Variants in USP48 observed in about 807,000 individuals in gnomAD.
USP48 encodes the protein ubiquitin specific peptidase 48, also known as ubiquitin carboxyl-terminal hydrolase 48.
Under a neutral mutation model 150.7 loss-of-function variants are expected in USP48, and 43 were observed. The observed-to-expected ratio is 0.29, with a 90% CI of 0.22 to 0.37. The LOEUF (loss-of-function observed/expected upper bound fraction) is 0.37, where lower values mean the gene tolerates loss of function less well. Among genes scored for constraint, USP48 ranks in the 10% least tolerant of loss-of-function variants. The pLI is 1.00. For missense variants in USP48, 813 were observed against 1,249.6 expected, an observed-to-expected ratio of 0.65 and a Z score of 5.27; for synonymous variants, 396 against 425.9, an observed-to-expected ratio of 0.93 and a Z score of 0.86.
chr1:21,746,804 T>A (rs1253336617), intron 8 of USP48, among the ~76,000 whole-genome samples: 1 of 152,152 alleles, frequency 6.6e-6, no homozygotes, highest in African/African-American at 2.4e-5. Flanking sequence ...TAAAATACCT[T>A]TTTCATTTTT....
intron 14 of USP48, among the ~76,000 whole-genome samples, chr1:21,715,953 C>T (rs777903361): frequency 6.6e-6 from 1 of 152,202 alleles, no homozygotes; most frequent in African/African-American, 2.4e-5. Context: ...CTAAAACCTA[C>T]CACCGAACTC....
At chr1:21,751,389 T>A in intron 6 of USP48, 118 bp downstream of exon 6, 1 of 747,856 alleles carries the variant, frequency 1.3e-6, no homozygotes, top group Non-Finnish European at 2.3e-6. Flanking sequence ...AGATGCTTCT[T>A]ATGTAGAAAA....
intron 15 of USP48, among the ~76,000 whole-genome samples, chr1:21,709,891 C>T (rs1047064705): frequency 2.0e-5 from 3 of 152,102 alleles, no homozygotes; most frequent in African/African-American, 4.8e-5. Context: ...CTTCACTCTA[C>T]TTGTTAGCTG....
chr1:21,707,703 C>T (rs1361361632), intron 15 of USP48, among the ~76,000 whole-genome samples: 1 of 152,158 alleles, frequency 6.6e-6, no homozygotes, highest in Non-Finnish European at 1.5e-5. Flanking sequence ...TTTCTAAAGT[C>T]ATATGTTTGT....
intron 9 of USP48, among the ~76,000 whole-genome samples, chr1:21,730,624 G>A (rs2097754390): frequency 1.3e-5 from 2 of 151,838 alleles, no homozygotes; most frequent in South Asian, 4.2e-4. Flanking sequence ...AACCCAGGAG[G>A]CAGAGGTTGC....
At chr1:21,752,172 C>G (rs1196250461) in intron 5 of USP48, among the ~76,000 whole-genome samples, 1 of 152,098 alleles carries the variant, frequency 6.6e-6, no homozygotes, top group South Asian at 2.1e-4. Context: ...TTTAATGTAA[C>G]CATCACCCAA....
intron 24 of USP48, among the ~76,000 whole-genome samples, chr1:21,687,792 G>A (rs954965815): frequency 4.6e-5 from 7 of 152,208 alleles, no homozygotes; most frequent in African/African-American, 1.7e-4. Context: ...CCCATGTGAA[G>A]TACAAACCGT....
chr1:21,720,287 T>C (rs936547051), intron 14 of USP48, among the ~76,000 whole-genome samples: 1 of 152,206 alleles, frequency 6.6e-6, no homozygotes, highest in Non-Finnish European at 1.5e-5. Flanking sequence ...ACTCTTAGCC[T>C]AGAACAGAAT....
chr1:21,744,632 C>T (rs1391254461), intron 8 of USP48, among the ~76,000 whole-genome samples: 1 of 150,870 alleles, frequency 6.6e-6, no homozygotes, highest in Non-Finnish European at 1.5e-5. Context: ...AAAAAATTAG[C>T]CAGGCATGGT....
chr1:21,698,331 T>C (rs1209389889), intron 22 of USP48, among the ~76,000 whole-genome samples: 2 of 152,200 alleles, frequency 1.3e-5, no homozygotes, highest in Non-Finnish European at 1.5e-5. Context: ...AAGAAAATTA[T>C]AAAGTATAAA....
intron 8 of USP48, among the ~76,000 whole-genome samples, chr1:21,739,144 G>A (rs566236687): frequency 6.6e-5 from 10 of 152,126 alleles, no homozygotes; most frequent in Admixed American, 3.9e-4. Context: ...AAGGGCTTAC[G>A]GGATCAGAGA....
At chr1:21,740,702 G>C (rs2097779595) in intron 8 of USP48, among the ~76,000 whole-genome samples, 1 of 152,090 alleles carries the variant, frequency 6.6e-6, no homozygotes, top group Admixed American at 6.5e-5. Context: ...AATCAAACTG[G>C]TGAAGATTTT....
chr1:21,703,101 C>T (rs922801319), intron 21 of USP48, among the ~76,000 whole-genome samples: 2 of 152,212 alleles, frequency 1.3e-5, no homozygotes, highest in African/African-American at 4.8e-5. Context: ...TACTCCCTGT[C>T]TCACACTAAC....
intron 21 of USP48, among the ~76,000 whole-genome samples, chr1:21,701,983 GTTACATGCTCT>G (rs1035894322): frequency 1.3e-5 from 2 of 152,146 alleles, no homozygotes; most frequent in Non-Finnish European, 2.9e-5. Flanking sequence ...AGTGGCAGGA[GTTACATGCTCT>G]TTAAGAATTG....
rs2097835909 is a variant in USP48, at chr1:21,756,546, C to A, written c.412G>T (p.Asp138Tyr). 6.3e-7 allele frequency: 1 copy of A among 1,577,516 alleles called. No individual in the cohort carries two copies. The highest frequency in any genetic ancestry group is 8.6e-7 in the Non-Finnish European group (1 of 1,168,736). ...CTCTCCCCCACCCCTTTCCACCCAC[C>A]TTTTTCTTCTTGGATGCCGTCTCCC... ...MLGDGIQEEK[D>Y]YEPQTICEHL... is the part of the protein sequence containing the mutation. Residue 138 changes from aspartate to tyrosine, a missense_variant and splice_region_variant, in exon 3 of 27, where the codon GAT becomes TAT. Physicochemically the swap from Asp to Tyr is radical, Grantham distance 160. Coordinates refer to ENST00000308271, the MANE Select transcript of USP48 (RefSeq NM_032236.8).
intron 17 of USP48, 78 bp from the exon 18 acceptor site, chr1:21,706,265 T>C (rs766424995): frequency 1.3e-6 from 2 of 1,542,842 alleles, no homozygotes; most frequent in Non-Finnish European, 1.8e-6. Flanking sequence ...TATACTTTGG[T>C]TGTCCTTATT....
chr1:21,740,689 C>CAA (rs2097779583), intron 8 of USP48, among the ~76,000 whole-genome samples: 2 of 152,062 alleles, frequency 1.3e-5, no homozygotes, highest in African/African-American at 4.8e-5. Context: ...CAAACAGCAA[C>CAA]AAAATCAAAC....
chr1:21,723,421 C>T (rs1379126127), intron 12 of USP48, among the ~76,000 whole-genome samples: 2 of 150,876 alleles, frequency 1.3e-5, no homozygotes, highest in Non-Finnish European at 1.5e-5. Context: ...TCGGGAGGCT[C>T]GAGAATCACT....
intron 12 of USP48, among the ~76,000 whole-genome samples, chr1:21,723,667 G>C (rs1196324009): frequency 6.6e-6 from 1 of 151,988 alleles, no homozygotes; most frequent in Admixed American, 6.6e-5. Flanking sequence ...CTTTGAGAGG[G>C]GTTAAAAGAA....
Sources: gnomAD v4.1 joint callset for allele counts (sites outside exome capture counted in the v4.1 genomes callset) on GRCh38, gnomAD v4.1.1 for gene constraint, MANE v1.5 for transcripts, NCBI Gene and HGNC (gene_info 2026-07-23, HGNC 2026-07-21) for gene names.